The following FBXO42 variants were observed in gnomAD, a reference collection of about 807,000 sequenced individuals.
The protein encoded by FBXO42 is F-box protein 42.
In FBXO42, 12 loss-of-function variants were observed where a neutral mutation model predicts 71.7. The observed-to-expected ratio is 0.17, with a 90% CI of 0.11 to 0.27. The LOEUF (loss-of-function observed/expected upper bound fraction) is 0.27. FBXO42 is among the 10% of genes least tolerant of loss of function. The probability of loss-of-function intolerance (pLI) is 1.00; values close to 1 mark genes in which losing one functional copy is unlikely to be tolerated. For synonymous variants in FBXO42, 325 were observed against 327.5 expected (o/e 0.99, Z 0.08); for missense variants, 707 against 911.9 (o/e 0.78, Z 2.89).
intron 1 of FBXO42, among the ~76,000 whole-genome samples, chr1:16,332,782 A>C (rs192117999): frequency 6.6e-6 from 1 of 152,144 alleles, no homozygotes; most frequent in East Asian, 1.9e-4. Flanking sequence ...CTCAAGTCAT[A>C]TGCCTGCCTC....
chr1:16,263,800 ACATT>A (rs1409179863), intron 4 of FBXO42, among the ~76,000 whole-genome samples: 1 of 147,726 alleles, frequency 6.8e-6, no homozygotes, highest in Non-Finnish European at 1.5e-5. Flanking sequence ...CCACGGCCAT[ACATT>A]AACTTTTTTT....
intron 2 of FBXO42, among the ~76,000 whole-genome samples, chr1:16,307,523 CAA>C (rs796835478): frequency 7.9e-6 from 1 of 126,006 alleles, no homozygotes. Flanking sequence ...AAAAAACAAG[CAA>C]AAAAAAAAAA....
At chr1:16,282,558 T>A (rs2100504043) in intron 4 of FBXO42, among the ~76,000 whole-genome samples, 1 of 149,928 alleles carries the variant, frequency 6.7e-6, no homozygotes, top group Admixed American at 6.6e-5. Flanking sequence ...AAAATGCTGA[T>A]CCATGACCAG....
chr1:16,294,124 C>G (rs1013192807), intron 4 of FBXO42: 9 of 152,308 alleles, frequency 5.9e-5, no homozygotes, highest in African/African-American at 2.2e-4. Flanking sequence ...TCAGTGGACA[C>G]TATTTCTCCA....
Position 16,315,506 on chromosome 1 carries a change from C to T in FBXO42, c.-17-71G>A, listed in dbSNP as rs189124774. On this transcript the variant is annotated intron_variant, in intron 1 of 9. Transcript: ENST00000375592. ...TCAAAAACAATTCAGGCATGTACAT[C>T]CAAGCTCTTTGTAATTTCGTTTCCA... is the stretch of plus-strand genomic sequence containing the variant. The T allele has an allele frequency of 3.4e-6, 5 of 1,469,850 alleles. No individual in the cohort carries two copies. In the South Asian group the frequency reaches 5.4e-5, roughly 16 times the overall value. 91.1% of individuals were successfully genotyped at this position (1,469,850 alleles called of 1,614,324 possible). A position where few individuals can be genotyped will look rare whatever the true frequency, so the allele number is the denominator to read the frequency against.
At chr1:16,274,587 C>T (rs2081879365) in intron 4 of FBXO42, among the ~76,000 whole-genome samples, 2 of 55,756 alleles carry the variant, frequency 3.6e-5, no homozygotes, top group Non-Finnish European at 6.6e-5. Context: ...ATTATGCCCC[C>T]GTTTTTTTTT....
intron 1 of FBXO42, among the ~76,000 whole-genome samples, chr1:16,318,181 G>A (rs1028361003): frequency 1.8e-4 from 28 of 152,148 alleles, no homozygotes; most frequent in Non-Finnish European, 2.9e-5. Flanking sequence ...AACTTTGGGA[G>A]GCCTAGGCGG....
chr1:16,333,912 CCTT>C (rs1488252975), intron 1 of FBXO42, among the ~76,000 whole-genome samples: 1 of 152,110 alleles, frequency 6.6e-6, no homozygotes, highest in Non-Finnish European at 1.5e-5. Context: ...CCATCTCTGA[CCTT>C]CTATAAATTT....
chr1:16,314,306 A>G (rs1404918150), intron 2 of FBXO42, among the ~76,000 whole-genome samples: 5 of 152,122 alleles, frequency 3.3e-5, no homozygotes, highest in African/African-American at 1.2e-4. Flanking sequence ...GTTTAGAGAT[A>G]AAATCAAGTG....
intron 6 of FBXO42, among the ~76,000 whole-genome samples, chr1:16,254,676 T>TGTGG (rs780360857): frequency 5.3e-5 from 8 of 152,306 alleles, no homozygotes; most frequent in Admixed American, 1.3e-4. Context: ...GGAGGACAGG[T>TGTGG]GTGGGATGGT....
In FBXO42 at chr1:16,305,851, G is replaced by A. The variant is rs142445143; in HGVS notation, c.319C>T (p.Arg107Cys). ...GGGGTTCCAGGATAAGGATAGGTAC[G>A]GCTCTCCCACTGAATGTTTCCTTCC... is the stretch of plus-strand genomic sequence containing the variant. ...VQEGNIQWES[R>C]TYPYPGTPIT... Residue 107 changes from arginine (R) to cysteine (C), a missense_variant, in exon 3 of 10, where the codon CGT (arginine) becomes TGT (cysteine). By Grantham distance (180) the Arg-to-Cys change is radical. Transcript: ENST00000375592. 1.5e-5 allele frequency: 24 copies of A among 1,614,008 alleles called. No individual in the cohort carries two copies. Among genetic ancestry groups the A allele is most frequent in the Non-Finnish European group, 1.8e-5 (21 of 1,180,038 alleles).
chr1:16,307,529 A>T (rs529306993), intron 2 of FBXO42, among the ~76,000 whole-genome samples: 5 of 152,146 alleles, frequency 3.3e-5, no homozygotes, highest in African/African-American at 1.2e-4. Context: ...CAAGCAAAAA[A>T]AAAAAAGACG....
chr1:16,291,539 C>A (rs1426043257), intron 4 of FBXO42, among the ~76,000 whole-genome samples: 1 of 152,054 alleles, frequency 6.6e-6, no homozygotes, highest in African/African-American at 2.4e-5. Context: ...TGCCACCATG[C>A]CCTGCTAATT....
chr1:16,310,764 C>T (rs1160060812), intron 2 of FBXO42, among the ~76,000 whole-genome samples: 2 of 151,628 alleles, frequency 1.3e-5, no homozygotes, highest in Non-Finnish European at 2.9e-5. Context: ...GGCAGGTGCT[C>T]AAATAAATTA....
At chr1:16,275,740 T>A (rs2081893236) in intron 4 of FBXO42, among the ~76,000 whole-genome samples, 3 of 152,130 alleles carry the variant, frequency 2.0e-5, no homozygotes, top group Non-Finnish European at 4.4e-5. Context: ...CAGGAGTGGT[T>A]GCTCATGCCT....
At chr1:16,341,380 T>G (rs528852800) in intron 1 of FBXO42, among the ~76,000 whole-genome samples, 1 of 152,044 alleles carries the variant, frequency 6.6e-6, no homozygotes, top group Admixed American at 6.6e-5. Context: ...GGCGGGCAGA[T>G]CATGAGGTCA....
At chr1:16,255,956 G>A (rs1379394086) in intron 5 of FBXO42, 135 bp from the exon 6 acceptor site, 2 of 643,406 alleles carry the variant, frequency 3.1e-6, no homozygotes, top group Non-Finnish European at 5.3e-6. Context: ...AGTAGAGGAT[G>A]GCATAATGTA....
intron 1 of FBXO42, among the ~76,000 whole-genome samples, chr1:16,342,417 A>C (rs1272182716): frequency 7.7e-6 from 1 of 130,540 alleles, no homozygotes; most frequent in South Asian, 2.5e-4. Context: ...AAAAAAAAAA[A>C]CCCTAACTCT....
rs909707881 is a variant in FBXO42 at position 16,250,346 on chromosome 1, C to T, written c.*324G>A. On this transcript the variant is annotated 3_prime_UTR_variant, in exon 10 of 10. Transcript: ENST00000375592. This position sits in a 1 kb window ranked among gnomAD's most constrained non-coding sequence, Gnocchi z 4.7. Reference sequence around the variant, plus strand: ...GAAGTTACTGATGTTAGTCTATTCTCTAACTTCTTGGTCTAGTTACCAGCA... The same window carrying T: ...GAAGTTACTGATGTTAGTCTATTCTTTAACTTCTTGGTCTAGTTACCAGCA... 6.5e-6 allele frequency: 1 copy of T among 152,858 alleles called. No individual in the cohort carries two copies. The highest frequency in any genetic ancestry group is 2.4e-5 in the African/African-American group (1 of 41,408). 9.5% of individuals were successfully genotyped at this position (152,858 alleles called of 1,614,324 possible). A position where few individuals can be genotyped will look rare whatever the true frequency, so the allele number is the denominator to read the frequency against.
Sources: gnomAD v4.1 joint callset for allele counts (sites outside exome capture counted in the v4.1 genomes callset) on GRCh38, gnomAD v4.1.1 for gene constraint, Gnocchi (gnomAD v3.1) non-coding constraint, MANE v1.5 for transcripts, NCBI Gene and HGNC (gene_info 2026-07-23, HGNC 2026-07-21) for gene names.